TLN1: variants seen among roughly 807,000 people sequenced by gnomAD.
TLN1 encodes talin 1, also known as talin-1.
In TLN1, 56 loss-of-function variants were observed where a neutral mutation model predicts 292.3. That is an observed-to-expected ratio of 0.19 (90% CI 0.15 to 0.24). The LOEUF (loss-of-function observed/expected upper bound fraction) is 0.24. Among genes scored for constraint, TLN1 ranks in the 10% least tolerant of loss-of-function variants. The pLI, the probability that TLN1 is intolerant of heterozygous loss-of-function variation, is 1.00. For synonymous variants in TLN1, 1,119 were observed against 1,253.7 expected (o/e 0.89, Z 2.27); for missense variants, 2,433 against 3,248.2 (o/e 0.75, Z 6.10).
In TLN1 at chr9:35,699,848, T is replaced by G; in HGVS notation, c.6768+126A>C. 1 of 1,134,972 alleles carries G rather than the reference T, an allele frequency of 8.8e-7. No individual in the cohort carries two copies. Among genetic ancestry groups the G allele is most frequent in the Non-Finnish European group, 1.2e-6 (1 of 822,870 alleles). 70.3% of individuals were successfully genotyped at this position (1,134,972 alleles called of 1,614,324 possible). A position where few individuals can be genotyped will look rare whatever the true frequency, so the allele number is the denominator to read the frequency against. On this transcript the variant is annotated intron_variant, in intron 50 of 56. Transcript: ENST00000314888. The surrounding 1 kb of genome is among the most constrained non-coding windows in gnomAD (Gnocchi z 4.0). Reference sequence around the variant, plus strand: ...GGGAGACTTGGAAAGGAGAACAGATTTGGGAAGTAGAGGGTGGGGTAGGGA... The same window carrying G: ...GGGAGACTTGGAAAGGAGAACAGATGTGGGAAGTAGAGGGTGGGGTAGGGA...
In TLN1 at chr9:35,731,366, T is replaced by C. The variant is rs114294572; in HGVS notation, c.-34+709A>G. ...TCATCCCTTTCCTAGCACAGACTCATATCCAATCCCTGATCCCTGAAACTG... is the reference window on the plus strand; with the variant it reads ...TCATCCCTTTCCTAGCACAGACTCACATCCAATCCCTGATCCCTGAAACTG... On this transcript the variant is annotated intron_variant, in intron 1 of 56. Transcript: ENST00000314888. 4.3e-3 allele frequency among the ~76,000 whole-genome samples: 659 copies of C among 152,304 alleles called. 5 individuals carry two copies. Among genetic ancestry groups the C allele is most frequent in the African/African-American group, 0.015 (636 of 41,556 alleles).
chr9:35,698,992 T>G lies in TLN1; in HGVS notation c.6999+40A>C. On this transcript the variant is annotated intron_variant, in intron 52 of 56. Transcript: ENST00000314888. The surrounding 1 kb of genome is among the most constrained non-coding windows in gnomAD (Gnocchi z 5.3). ...AAGTCAGAGATGAAGGTGGGGACAC[T>G]GCCATGGTGAGGGTGGAAGAGGAAG... 1.2e-6 allele frequency: 2 copies of G among 1,608,732 alleles called. No homozygotes were observed. The highest frequency in any genetic ancestry group is 2.2e-5 in the South Asian group (2 of 90,988).
rs527772595 is a variant in TLN1 at position 35,717,827 on chromosome 9, T to G, written c.1996-41A>C. On this transcript the variant is annotated intron_variant, in intron 17 of 56. Coordinates refer to ENST00000314888, the MANE Select transcript of TLN1 (RefSeq NM_006289.4). This position sits in a 1 kb window ranked among gnomAD's most constrained non-coding sequence, Gnocchi z 4.7. ...AGTTAGCATGACCTGAGATTGGGCT[T>G]GGGATTCACAGACACTTCTCAGAGG... The G allele has an allele frequency of 2.7e-5, 42 of 1,574,738 alleles. No homozygotes were observed. In the South Asian group the frequency reaches 4.2e-4, roughly 16 times the overall value.
chr9:35,703,324 G>A (rs550077665), intron 48 of TLN1, among the ~76,000 whole-genome samples: 1 of 152,294 alleles, frequency 6.6e-6, no homozygotes, highest in African/African-American at 2.4e-5. Flanking sequence ...TGAGGAAGAT[G>A]CCATGTGAAA....
rs779474454 is a variant in TLN1 at position 35,710,617 on chromosome 9, C to T, written c.4270G>A (p.Asp1424Asn). 3.6e-5 allele frequency: 58 copies of T among 1,614,080 alleles called. No individual in the cohort carries two copies. Among genetic ancestry groups the T allele is most frequent in the Non-Finnish European group, 4.9e-5 (58 of 1,180,058 alleles). The stretch of plus-strand genomic sequence containing the variant: ...GCCTTTGAGGCTGTGGAAATGGCAT[C>T]TCCAAACTCTGGCAGGTTTCCGTTC... ...AKNGNLPEFG[D>N]AISTASKALC... The change falls in exon 33 of 57, where the codon GAT becomes AAT. Residue 1424 changes from aspartate (D) to asparagine (N), a missense_variant. Asp to Asn is a conservative substitution (Grantham distance 23). Around this residue, in one of 7 missense-constraint regions of TLN1, gnomAD observed 1,384 missense variants for 1,699.6 expected, o/e 0.81. Coordinates refer to ENST00000314888, the MANE Select transcript of TLN1 (RefSeq NM_006289.4).
chr9:35,717,915 AACCT>A lies in TLN1; in HGVS notation c.1996-133_1996-130del, dbSNP rs1247960379. ...GGAGAGTGTACGCAGAAGCAACCAG[AACCT>A]ACCCCGAGCTACTGCCCTGAGCACC... On this transcript the variant is annotated intron_variant, in intron 17 of 56. Coordinates refer to ENST00000314888, the MANE Select transcript of TLN1 (RefSeq NM_006289.4). This position sits in a 1 kb window ranked among gnomAD's most constrained non-coding sequence, Gnocchi z 4.7. 8.9e-7 allele frequency: 1 copy of A among 1,124,970 alleles called. No homozygotes were observed. The highest frequency in any genetic ancestry group is 1.2e-6 in the Non-Finnish European group (1 of 806,650). The allele number at this position is 1,124,970 out of a possible 1,614,324, so 69.7% of individuals were successfully genotyped here.
intron 1 of TLN1, among the ~76,000 whole-genome samples, chr9:35,728,204 C>A (rs1826012176): frequency 6.6e-6 from 1 of 152,064 alleles, no homozygotes; most frequent in Admixed American, 6.5e-5. Flanking sequence ...AGTATTGGAG[C>A]TAAGAAAGTT....
At position 35,717,233 on chromosome 9, in the gene TLN1, C is replaced by G; in HGVS notation, c.2371G>C (p.Gly791Arg). 1.2e-6 allele frequency: 2 copies of G among 1,614,214 alleles called. No homozygotes were observed. The highest frequency in any genetic ancestry group is 1.7e-6 in the Non-Finnish European group (2 of 1,180,024). The change falls in exon 19 of 57, where the codon GGG (glycine) becomes CGG (arginine). Residue 791 changes from glycine to arginine, a missense_variant. By Grantham distance (125) the Gly-to-Arg change is moderately radical (BLOSUM62 -2). Coordinates refer to ENST00000314888, the MANE Select transcript of TLN1 (RefSeq NM_006289.4). The surrounding 1 kb of genome is among the most constrained non-coding windows in gnomAD (Gnocchi z 4.7). ...TCATAACGGCCAGCAGGCCCAGCCC[C>G]TGTGGCATGGGCTTTCACATGCTGC... The part of the protein sequence containing the change: ...LLQHVKAHAT[G>R]AGPAGRYDQA...
chr9:35,725,391 G>T, intron 2 of TLN1, 70 bp from the exon 3 acceptor site: 1 of 1,554,092 alleles, frequency 6.4e-7, no homozygotes, highest in Non-Finnish European at 8.8e-7. Flanking sequence ...GTACCATGTT[G>T]CCCCTGACTA....
At chr9:35,727,129 G>A (rs1484643367) in intron 1 of TLN1, among the ~76,000 whole-genome samples, 1 of 152,166 alleles carries the variant, frequency 6.6e-6, no homozygotes, top group Non-Finnish European at 1.5e-5. Context: ...AGTCTGCCCG[G>A]CTGCTGCTGA....
In TLN1 at chr9:35,719,044, C is replaced by A. The variant is rs374412233; in HGVS notation, c.1896+30G>T. On this transcript the variant is annotated intron_variant, in intron 16 of 56. Coordinates refer to ENST00000314888, the MANE Select transcript of TLN1 (RefSeq NM_006289.4). The surrounding 1 kb of genome is among the most constrained non-coding windows in gnomAD (Gnocchi z 4.6). ...TTCTCCTTGGGCTTGAACCCTGTCT[C>A]CACCCTAACCCAAACCTGTGGCCCC... The A allele has an allele frequency of 2.2e-5, 36 of 1,602,510 alleles. No homozygotes were observed. The highest frequency in any genetic ancestry group is 2.9e-5 in the Non-Finnish European group (34 of 1,172,890).
At chr9:35,710,708 A>T (rs1825653150) in intron 32 of TLN1, 25 bp from the exon 33 acceptor site, 2 of 1,613,696 alleles carry the variant, frequency 1.2e-6, no homozygotes. Context: ...ACATCAGGGG[A>T]GTCAGAGCAT....
chr9:35,718,720 CAATTCACAG>C, intron 17 of TLN1, 83 bp downstream of exon 17: 1 of 1,091,448 alleles, frequency 9.2e-7, no homozygotes, highest in Non-Finnish European at 1.4e-6. Context: ...TTTTAGGGGT[CAATTCACAG>C]AAGCCAGGAC....
At chr9:35,723,032 G>T in intron 7 of TLN1, 111 bp from the exon 8 acceptor site, 2 of 903,872 alleles carry the variant, frequency 2.2e-6, no homozygotes, top group Non-Finnish European at 1.8e-6. Flanking sequence ...TGTTATCTTT[G>T]GGGAGAAAAA....
chr9:35,700,595 C>T (rs1825449041), intron 48 of TLN1, among the ~76,000 whole-genome samples: 1 of 151,960 alleles, frequency 6.6e-6, no homozygotes, highest in Admixed American at 6.6e-5. Flanking sequence ...GGTTTTCATT[C>T]CCAAAATAGA....
intron 3 of TLN1, 124 bp from the exon 4 acceptor site, chr9:35,725,083 A>T: frequency 6.4e-7 from 1 of 1,553,770 alleles, no homozygotes. Context: ...GTTCAAAAGC[A>T]GGGAATTATG....
chr9:35,716,647 GGTAGATGGGGGC>G, intron 19 of TLN1, 91 bp from the exon 20 acceptor site: 1 of 1,364,208 alleles, frequency 7.3e-7, no homozygotes, highest in Non-Finnish European at 1.0e-6. Flanking sequence ...GTGTAGACAA[GGTAGATGGGGGC>G]TTTAGGGACA....
At chr9:35,716,596 C>CACTGAGGTGTCAGGGGTGGGG (rs1563944477) in intron 19 of TLN1, 40 bp from the exon 20 acceptor site, 1 of 1,602,530 alleles carries the variant, frequency 6.2e-7, no homozygotes, top group Non-Finnish European at 8.5e-7. Context: ...AAGCCAGAGA[C>CACTGAGGTGTCAGGGGTGGGG]ACTGAGGTGT....
At chr9:35,721,027 C>G (rs1053388371) in intron 10 of TLN1, 114 bp from the exon 11 acceptor site, 2 of 719,336 alleles carry the variant, frequency 2.8e-6, no homozygotes, top group Non-Finnish European at 4.7e-6. Flanking sequence ...TGGCAACGGC[C>G]CTCTTGGAAG....
Sources: allele counts gnomAD v4.1 joint callset (sites outside exome capture counted in the v4.1 genomes callset), GRCh38; gene constraint gnomAD v4.1.1; regional missense constraint gnomAD v4.1.1; non-coding constraint Gnocchi (gnomAD v3.1); transcripts MANE v1.5; gene names NCBI Gene and HGNC (gene_info 2026-07-23, HGNC 2026-07-21).